PLXDC2: variants seen among roughly 807,000 people sequenced by gnomAD.
PLXDC2 encodes plexin domain-containing protein 2.
A neutral mutation model predicts 68.9 loss-of-function variants in PLXDC2; 40 were observed. The ratio of observed to expected loss-of-function variants is 0.58; its 90% confidence interval spans 0.45 to 0.76. PLXDC2 has a LOEUF of 0.76. PLXDC2 is among the 30% of genes least tolerant of loss of function. PLXDC2 has a pLI of 0.00. For missense variants in PLXDC2, 644 were observed against 661.9 expected (o/e 0.97, Z 0.30); for synonymous variants, 243 against 234.2 (o/e 1.04, Z -0.34).
In PLXDC2 at chr10:19,844,218, T is replaced by A. The variant is rs142082868; in HGVS notation, c.112+27027T>A. On this transcript the variant is annotated intron_variant, in intron 1 of 13. Coordinates refer to ENST00000377252, the MANE Select transcript of PLXDC2 (RefSeq NM_032812.9). Reference sequence around the variant, plus strand: ...TGACTGTGAAGAGCGAAAGTATGATTTGTTGAAAAATTAGTCGGATTTTTA... The same window carrying A: ...TGACTGTGAAGAGCGAAAGTATGATATGTTGAAAAATTAGTCGGATTTTTA... Among the ~76,000 whole-genome samples, 1,447 of 152,328 alleles carry A rather than the reference T, an allele frequency of 9.5e-3. 28 individuals are homozygous for A. Among genetic ancestry groups the A allele is most frequent in the African/African-American group, 0.033 (1,365 of 41,570 alleles).
At chr10:19,846,522 A>T (rs750039141) in intron 1 of PLXDC2, among the ~76,000 whole-genome samples, 8 of 152,192 alleles carry the variant, frequency 5.3e-5, no homozygotes, top group Non-Finnish European at 8.8e-5. Flanking sequence ...CTCTTTCATT[A>T]TAAAGAATAA....
At chr10:20,240,015 T>C (rs1831646) in intron 12 of PLXDC2, among the ~76,000 whole-genome samples, 77,585 of 151,968 alleles carry the variant, frequency 0.51, 20,584 homozygotes, top group Middle Eastern at 0.67. Flanking sequence ...TTGTACAGAT[T>C]ATTTCATTAG....
rs531688641 is a variant in PLXDC2, at chr10:19,875,490, A to G, written c.112+58299A>G. ...TAACCTAGTTAGGATTATGCCAGCT[A>G]ACGACCTTGATAATTAACAGTCATA... On this transcript the variant is annotated intron_variant, in intron 1 of 13. Transcript: ENST00000377252. Among the ~76,000 whole-genome samples the G allele has an allele frequency of 1.1e-4, 16 of 152,360 alleles. No individual in the cohort carries two copies. In the South Asian group the frequency reaches 3.3e-3, roughly 32 times the overall value.
chr10:20,144,413 A>G (rs983684546), intron 5 of PLXDC2, among the ~76,000 whole-genome samples: 1 of 152,168 alleles, frequency 6.6e-6, no homozygotes, highest in Non-Finnish European at 1.5e-5. Flanking sequence ...GCCATTTTAC[A>G]GGTCAAAATA....
chr10:19,853,842 T>C (rs1837165861), intron 1 of PLXDC2, among the ~76,000 whole-genome samples: 2 of 152,194 alleles, frequency 1.3e-5, no homozygotes, highest in Admixed American at 1.3e-4. Context: ...TGTGGATCAA[T>C]TTCTTTTCTG....
chr10:20,196,743 G>A (rs2131844100), intron 9 of PLXDC2, among the ~76,000 whole-genome samples: 1 of 152,274 alleles, frequency 6.6e-6, no homozygotes, highest in South Asian at 2.1e-4. Context: ...TCAAGTTGAT[G>A]TGAAAATTGT....
At position 20,279,778 on chromosome 10, in the gene PLXDC2, G is replaced by T. The variant is rs150909575; in HGVS notation, c.1549G>T (p.Val517Phe). ...TCCTGCCTATGCTGAAGTTGAACCA[G>T]TTGGAGAGAAAGAAGGCTTTATTGT... ...GHPAYAEVEP[V>F]GEKEGFIVSE... The change falls in exon 14 of 14, where the codon GTT becomes TTT. Residue 517 changes from valine to phenylalanine, a missense_variant. Val to Phe is a conservative substitution (Grantham distance 50). Coordinates refer to ENST00000377252, the MANE Select transcript of PLXDC2 (RefSeq NM_032812.9). 4.3e-5 allele frequency: 70 copies of T among 1,613,866 alleles called. No homozygotes were observed. The highest frequency in any genetic ancestry group is 5.8e-5 in the Non-Finnish European group (68 of 1,179,942).
At chr10:19,894,375 G>A (rs1838019981) in intron 1 of PLXDC2, among the ~76,000 whole-genome samples, 1 of 151,270 alleles carries the variant, frequency 6.6e-6, no homozygotes, top group Admixed American at 6.6e-5. Context: ...CTGGTGCCAT[G>A]AATCAGAGAT....
At chr10:19,924,268 A>G (rs1424084492) in intron 1 of PLXDC2, among the ~76,000 whole-genome samples, 1 of 152,092 alleles carries the variant, frequency 6.6e-6, no homozygotes, top group Non-Finnish European at 1.5e-5. Context: ...TTTTCCTAAC[A>G]TTTGGTGCCA....
chr10:20,114,031 G>A (rs1833591683), intron 4 of PLXDC2, among the ~76,000 whole-genome samples: 2 of 152,176 alleles, frequency 1.3e-5, no homozygotes, highest in Admixed American at 1.3e-4. Context: ...GGCTGAGGCA[G>A]GGGGATTGCT....
intron 2 of PLXDC2, among the ~76,000 whole-genome samples, chr10:20,021,196 TTTTGTTTGTTTG>T (rs144104724): frequency 6.6e-6 from 1 of 151,868 alleles, no homozygotes; most frequent in East Asian, 1.9e-4. Context: ...ATCCTGTTTT[TTTTGTTTGTTTG>T]TTTGTTTTTG....
intron 4 of PLXDC2, among the ~76,000 whole-genome samples, chr10:20,070,501 A>G (rs964314456): frequency 3.3e-5 from 5 of 152,208 alleles, no homozygotes; most frequent in African/African-American, 1.2e-4. Context: ...GCTCACAAGA[A>G]GTATGTCTTT....
chr10:19,859,167 C>G (rs945880599), intron 1 of PLXDC2, among the ~76,000 whole-genome samples: 6 of 152,124 alleles, frequency 3.9e-5, no homozygotes, highest in Non-Finnish European at 7.3e-5. Context: ...GATCTGACCT[C>G]AGGATCCAAA....
Position 20,285,909 on chromosome 10 carries a change from T to G in PLXDC2, c.*6090T>G, listed in dbSNP as rs1203754836. 6.6e-6 allele frequency: 1 copy of G among 152,222 alleles called. No homozygotes were observed. Among genetic ancestry groups the G allele is most frequent in the Non-Finnish European group, 1.5e-5 (1 of 68,044 alleles). 9.4% of individuals were successfully genotyped at this position (152,222 alleles called of 1,614,324 possible). On this transcript the variant is annotated 3_prime_UTR_variant, in exon 14 of 14. Transcript: ENST00000377252. ...TTGTCATATCATAACATGGTATTAC[T>G]TCTTAAGGTTTTGATTAAGTTGATC...
intron 1 of PLXDC2, among the ~76,000 whole-genome samples, chr10:19,834,061 A>T (rs141131877): frequency 6.6e-6 from 1 of 152,180 alleles, no homozygotes; most frequent in African/African-American, 2.4e-5. Context: ...TTTGAAAGCA[A>T]TGGAACCAGT....
chr10:20,153,929 A>G (rs2131803920), intron 6 of PLXDC2, among the ~76,000 whole-genome samples: 2 of 152,284 alleles, frequency 1.3e-5, no homozygotes, highest in Middle Eastern at 6.8e-3. Context: ...TTATCATACC[A>G]TAGCCTAATA....
Position 20,134,762 on chromosome 10 carries a change from T to C in PLXDC2, c.542-8533T>C, listed in dbSNP as rs561333262. Among the ~76,000 whole-genome samples, 230 of 152,274 alleles carry C rather than the reference T, an allele frequency of 1.5e-3. 1 individual carries two copies. The highest frequency in any genetic ancestry group is 5.4e-3 in the African/African-American group (224 of 41,546). ...GAGCCTGGAGCCATGGGGGCCAGCC[T>C]GTAACCTAGGATTGCAAGTGTTGGC... On this transcript the variant is annotated intron_variant, in intron 4 of 13. Coordinates refer to ENST00000377252, the MANE Select transcript of PLXDC2 (RefSeq NM_032812.9).
intron 1 of PLXDC2, among the ~76,000 whole-genome samples, chr10:19,967,122 TC>T (rs1261581496): frequency 1.3e-5 from 2 of 152,206 alleles, no homozygotes; most frequent in African/African-American, 4.8e-5. Context: ...ATTCCCCATC[TC>T]TATCTAGAAA....
In PLXDC2 at chr10:20,065,233, G is replaced by C. The variant is rs529201887; in HGVS notation, c.472-2937G>C. On this transcript the variant is annotated intron_variant, in intron 3 of 13. Coordinates refer to ENST00000377252, the MANE Select transcript of PLXDC2 (RefSeq NM_032812.9). Reference sequence around the variant, plus strand: ...GTACCACAGACAAGAGCTAAGGGTAGCAAGTGCAAGGAACTAAAAGTTGTT... The same window carrying C: ...GTACCACAGACAAGAGCTAAGGGTACCAAGTGCAAGGAACTAAAAGTTGTT... Among the ~76,000 whole-genome samples the C allele has an allele frequency of 3.3e-4, 51 of 152,290 alleles. 1 individual carries two copies. The South Asian group carries it at 9.5e-3, about 28-fold the overall frequency.
Sources: allele counts gnomAD v4.1 joint callset (sites outside exome capture counted in the v4.1 genomes callset), GRCh38; gene constraint gnomAD v4.1.1; transcripts MANE v1.5; gene names NCBI Gene and HGNC (gene_info 2026-07-23, HGNC 2026-07-21).